The following MYCBP2 variants were observed in gnomAD, a reference collection of about 807,000 sequenced individuals.
The protein encoded by MYCBP2 is E3 ubiquitin-protein ligase MYCBP2.
Under a neutral mutation model 525.3 loss-of-function variants are expected in MYCBP2, and 120 were observed. The ratio of observed to expected loss-of-function variants is 0.23; its 90% CI spans 0.20 to 0.27. MYCBP2 has a LOEUF of 0.27. MYCBP2 is among the 10% of genes least tolerant of loss of function. The pLI, the probability that MYCBP2 is intolerant of heterozygous loss-of-function variation, is 1.00. For synonymous variants in MYCBP2, 1,894 were observed against 1,955.8 expected (o/e 0.97, Z 0.83); for missense variants, 4,149 against 5,657.1 (o/e 0.73, Z 8.55).
intron 1 of MYCBP2, among the ~76,000 whole-genome samples, chr13:77,301,293 G>A (rs1049869037): frequency 1.3e-5 from 2 of 151,926 alleles, no homozygotes; most frequent in African/African-American, 4.8e-5. Context: ...GTGCACGCCT[G>A]CAATCCCAGC....
intron 41 of MYCBP2, 50 bp downstream of exon 41, chr13:77,166,279 C>T (rs1356508200): frequency 3.9e-6 from 5 of 1,292,800 alleles, no homozygotes; most frequent in Non-Finnish European, 5.4e-6. Context: ...ACTAAATATA[C>T]ATAAATGCAC....
At chr13:77,056,944 C>T (rs1325239866) in intron 79 of MYCBP2, 42 bp downstream of exon 79, 3 of 1,449,308 alleles carry the variant, frequency 2.1e-6, no homozygotes, top group Non-Finnish European at 2.9e-6. Flanking sequence ...AAAGAAAGAA[C>T]AAAAGAAAAA....
intron 10 of MYCBP2, among the ~76,000 whole-genome samples, 197 bp downstream of exon 10, chr13:77,263,454 T>C (rs2073630411): frequency 6.6e-6 from 1 of 152,046 alleles, no homozygotes; most frequent in African/African-American, 2.4e-5. Context: ...GGTCTTCAAA[T>C]ATCATACTTT....
chr13:77,327,087 G>T lies in MYCBP2; in HGVS notation c.-312C>A, dbSNP rs1181751569. The T allele has an allele frequency of 2.3e-6, 1 of 438,004 alleles. No individual in the cohort carries two copies. The highest frequency in any genetic ancestry group is 2.1e-5 in the African/African-American group (1 of 48,756). 27.1% of individuals were successfully genotyped at this position (438,004 alleles called of 1,614,324 possible). On this transcript the variant is annotated 5_prime_UTR_variant, in exon 1 of 83. Coordinates refer to ENST00000544440, the MANE Select transcript of MYCBP2 (RefSeq NM_015057.5). Reference sequence around the variant, plus strand: ...CACCACCGCCGGGGCTACCCGCAATGGGAAGCTGCCGGCCTCACAGAGCAT... The same window carrying T: ...CACCACCGCCGGGGCTACCCGCAATTGGAAGCTGCCGGCCTCACAGAGCAT...
rs368238213 is a variant in MYCBP2, at chr13:77,098,327, T to C, written c.8827A>G (p.Thr2943Ala). The change falls in exon 56 of 83, where the codon ACA becomes GCA. Residue 2943 changes from threonine to alanine, a missense_variant. Transcript: ENST00000544440. ...VEVCTSSTLK[T>A]NSLTDSTCDD... Reference sequence around the variant, plus strand: ...CAGGTGCTGTCTGTTAGACTATTTGTTTTTAAAGTACTTGAGGTGCAGACT... The same window carrying C: ...CAGGTGCTGTCTGTTAGACTATTTGCTTTTAAAGTACTTGAGGTGCAGACT... 15 of 1,611,748 alleles carry C rather than the reference T, an allele frequency of 9.3e-6. No homozygotes were observed. The highest frequency in any genetic ancestry group is 1.3e-5 in the Non-Finnish European group (15 of 1,179,754).
chr13:77,132,318 T>C (rs1462767356), intron 52 of MYCBP2, among the ~76,000 whole-genome samples: 1 of 152,124 alleles, frequency 6.6e-6, no homozygotes, highest in Non-Finnish European at 1.5e-5. Flanking sequence ...TTGGATTTAA[T>C]GTTATTAGGT....
chr13:77,286,789 AATATATATATATATAT>A lies in MYCBP2; in HGVS notation c.594+1356_594+1371del, dbSNP rs1197559343. On this transcript the variant is annotated intron_variant, in intron 3 of 82. Transcript: ENST00000544440. ...AAAAAAAAAAAAAAAAAAAAAAAAA[AATATATATATATATAT>A]ATATATATATATAGACCTTCCAGTC... 2.5e-3 allele frequency among the ~76,000 whole-genome samples: 106 copies of A among 42,294 alleles called. 1 individual carries two copies. Among genetic ancestry groups the A allele is most frequent in the South Asian group, 4.2e-3 (4 of 956 alleles). The allele number at this position is 42,294 out of a possible 152,430, so 27.7% of individuals were successfully genotyped here. A position where few individuals can be genotyped will look rare whatever the true frequency, so the allele number is the denominator to read the frequency against.
chr13:77,127,333 T>C (rs2154167735), intron 52 of MYCBP2, among the ~76,000 whole-genome samples: 1 of 152,056 alleles, frequency 6.6e-6, no homozygotes, highest in South Asian at 2.1e-4. Flanking sequence ...CTTCCCTAAA[T>C]TTTCTGTTAA....
chr13:77,273,647 A>G lies in MYCBP2; in HGVS notation c.770T>C (p.Leu257Ser), dbSNP rs747889087. Reference sequence around the variant, plus strand: ...CCCAGTACTTCGAACGGTGATTTCCAAAAGAAGCTGGAAGAGAGACTCTGT... The same window carrying G: ...CCCAGTACTTCGAACGGTGATTTCCGAAAGAAGCTGGAAGAGAGACTCTGT... Reference protein sequence around the residue: ...EVLESLFQLLLEITVRSTGMN... With the variant: ...EVLESLFQLLSEITVRSTGMN... Residue 257 changes from leucine (L) to serine (S), a missense_variant, in exon 5 of 83, where the codon TTG becomes TCG. Transcript: ENST00000544440. 6 of 1,555,568 alleles carry G rather than the reference A, an allele frequency of 3.9e-6. No individual in the cohort carries two copies. In the South Asian group the frequency reaches 7.4e-5, roughly 19 times the overall value.
chr13:77,081,660 A>G lies in MYCBP2; in HGVS notation c.11194-9T>C. 1 of 1,593,152 alleles carries G rather than the reference A, an allele frequency of 6.3e-7. No homozygotes were observed. The highest frequency in any genetic ancestry group is 2.2e-5 in the East Asian group (1 of 44,636). On this transcript the variant is annotated splice_polypyrimidine_tract_variant and intron_variant, in intron 64 of 82. Coordinates refer to ENST00000544440, the MANE Select transcript of MYCBP2 (RefSeq NM_015057.5). The surrounding 1 kb of genome is among the most constrained non-coding windows in gnomAD (Gnocchi z 4.6). ...ATTACTATGCATAATTCCTATCAGA[A>G]ACAAATATAAGTACTTATGATACTT...
intron 62 of MYCBP2, among the ~76,000 whole-genome samples, chr13:77,087,110 T>C (rs1161494681): frequency 6.6e-6 from 1 of 152,184 alleles, no homozygotes; most frequent in African/African-American, 2.4e-5. Flanking sequence ...ATAATGTTGC[T>C]TGATATCCTT....
chr13:77,207,287 C>T (rs748607735), intron 23 of MYCBP2, among the ~76,000 whole-genome samples: 2 of 152,140 alleles, frequency 1.3e-5, no homozygotes, highest in Non-Finnish European at 2.9e-5. Context: ...AAAGGAAGCA[C>T]AGATAGAATG....
chr13:77,052,982 A>G (rs1260263315), intron 80 of MYCBP2, among the ~76,000 whole-genome samples: 2 of 151,858 alleles, frequency 1.3e-5, no homozygotes, highest in Non-Finnish European at 2.9e-5. Flanking sequence ...ACAAACAAAC[A>G]CAGAAATTAG....
At chr13:77,047,200 A>G (rs977651221) in intron 82 of MYCBP2, among the ~76,000 whole-genome samples, 3 of 152,236 alleles carry the variant, frequency 2.0e-5, no homozygotes, top group African/African-American at 7.2e-5. Flanking sequence ...AGTGCTTACT[A>G]CTGAGGCACT....
chr13:77,282,552 T>C (rs1363069463), intron 3 of MYCBP2, among the ~76,000 whole-genome samples: 1 of 152,202 alleles, frequency 6.6e-6, no homozygotes, highest in East Asian at 1.9e-4. Flanking sequence ...TTTCAACTTT[T>C]CAAAGCTATT....
intron 17 of MYCBP2, among the ~76,000 whole-genome samples, chr13:77,242,715 T>G (rs1013688709): frequency 1.3e-5 from 2 of 152,108 alleles, no homozygotes; most frequent in Admixed American, 1.3e-4. Flanking sequence ...AAAGTCCGGG[T>G]GAAGGACAAG....
chr13:77,274,695 A>G (rs1259002606), intron 4 of MYCBP2, among the ~76,000 whole-genome samples: 3 of 152,122 alleles, frequency 2.0e-5, no homozygotes, highest in Middle Eastern at 3.2e-3. Flanking sequence ...TCTCATCATC[A>G]TCTTTCCAAT....
Position 77,261,916 on chromosome 13 carries a change from T to C in MYCBP2, c.1647+137A>G, listed in dbSNP as rs1455749556. ...TCCCTACATGAATAAAATTTTATCT[T>C]ATAAAAAATAATTTTAAATCAAAAT... On this transcript the variant is annotated intron_variant, in intron 11 of 82. Coordinates refer to ENST00000544440, the MANE Select transcript of MYCBP2 (RefSeq NM_015057.5). 7.5e-6 allele frequency: 5 copies of C among 670,022 alleles called. No individual in the cohort carries two copies. The African/African-American group carries it at 9.2e-5, about 12-fold the overall frequency. 41.5% of individuals were successfully genotyped at this position (670,022 alleles called of 1,614,324 possible).
At chr13:77,276,264 T>A (rs1381528593) in intron 4 of MYCBP2, among the ~76,000 whole-genome samples, 1 of 152,122 alleles carries the variant, frequency 6.6e-6, no homozygotes, top group Non-Finnish European at 1.5e-5. Context: ...GCTTGGTGTA[T>A]ACTAATCATC....
Sources: gnomAD v4.1 joint callset for allele counts (sites outside exome capture counted in the v4.1 genomes callset) on GRCh38, gnomAD v4.1.1 for gene constraint, Gnocchi (gnomAD v3.1) non-coding constraint, MANE v1.5 for transcripts, NCBI Gene and HGNC (gene_info 2026-07-23, HGNC 2026-07-21) for gene names.